UGT1A10: variants seen among roughly 807,000 people sequenced by gnomAD.
UGT1A10 encodes the protein UDP glucuronosyltransferase family 1 member A10, also known as UDP-glucuronosyltransferase 1A10.
In UGT1A10, 49 loss-of-function variants were observed where a neutral mutation model predicts 45.8. That is an observed-to-expected ratio of 1.07 (90% CI 0.85 to 1.36). The LOEUF is 1.36. UGT1A10 is among the 40% of genes most tolerant of loss of function. The probability of loss-of-function intolerance (pLI) is 0.00; values close to 1 mark genes in which losing one functional copy is unlikely to be tolerated. For synonymous variants in UGT1A10, 284 were observed against 249.7 expected (o/e 1.14, Z -1.29); for missense variants, 745 against 668.6 (o/e 1.11, Z -1.26).
At chr2:233,712,884 C>T (rs1239216440) in intron 1 of UGT1A10, 1 of 1,600,688 alleles carries the variant, frequency 6.2e-7, no homozygotes, top group Non-Finnish European at 8.5e-7. Context: ...TCTTCAATTA[C>T]ATGTTGATTT....
At chr2:233,650,726 G>A (rs1041291371) in intron 1 of UGT1A10, among the ~76,000 whole-genome samples, 1 of 151,866 alleles carries the variant, frequency 6.6e-6, no homozygotes, top group African/African-American at 2.4e-5. Context: ...TTTTGATGGG[G>A]GCTTTTTTCC....
intron 1 of UGT1A10, chr2:233,690,008 A>G (rs1260026576): frequency 1.8e-5 from 8 of 443,354 alleles, no homozygotes; most frequent in Non-Finnish European, 3.6e-5. Context: ...TCATCTCACC[A>G]TTTTGGACCT....
At chr2:233,772,210 A>AT in intron 4 of UGT1A10, 52 bp from the exon 5 acceptor site, 1 of 1,610,530 alleles carries the variant, frequency 6.2e-7, no homozygotes, top group Non-Finnish European at 8.5e-7. Context: ...TAAAGAGAGG[A>AT]TTGTTCATAC....
rs4148323 is a variant in UGT1A10, at chr2:233,760,498, G to A, written c.856-6536G>A. The A allele has an allele frequency of 9.2e-3, 14,886 of 1,614,236 alleles. 811 individuals carry two copies. The East Asian group carries it at 0.16, about 18-fold the overall frequency. On this transcript the variant is annotated intron_variant, in intron 1 of 4. Coordinates refer to ENST00000344644, the MANE Select transcript of UGT1A10 (RefSeq NM_019075.4). Reference sequence around the variant, plus strand: ...TGACGCCTCGTTGTACATCAGAGACGGAGCATTTTACACCTTGAAGACGTA... The same window carrying A: ...TGACGCCTCGTTGTACATCAGAGACAGAGCATTTTACACCTTGAAGACGTA...
intron 1 of UGT1A10, among the ~76,000 whole-genome samples, chr2:233,759,210 T>C (rs1169742751): frequency 6.6e-6 from 1 of 152,134 alleles, no homozygotes; most frequent in African/African-American, 2.4e-5. Context: ...CCCAATCAGG[T>C]CCATTTATGC....
intron 1 of UGT1A10, chr2:233,754,506 C>A: frequency 2.8e-6 from 1 of 356,440 alleles, no homozygotes; most frequent in South Asian, 2.1e-5. Flanking sequence ...GTCCGCTATT[C>A]CTCCAGATGT....
intron 1 of UGT1A10, among the ~76,000 whole-genome samples, chr2:233,766,008 T>C (rs901073626): frequency 2.6e-5 from 4 of 152,174 alleles, no homozygotes; most frequent in Non-Finnish European, 5.9e-5. Context: ...GCGTGGGTTA[T>C]GGCCTTCTTT....
chr2:233,717,696 G>A (rs1442424545), intron 1 of UGT1A10: 1 of 445,086 alleles, frequency 2.2e-6, no homozygotes, highest in Non-Finnish European at 4.6e-6. Context: ...GTGACTTTCT[G>A]GAGCAGGACG....
At chr2:233,671,332 G>T (rs560217503) in intron 1 of UGT1A10, among the ~76,000 whole-genome samples, 1 of 152,318 alleles carries the variant, frequency 6.6e-6, no homozygotes, top group Non-Finnish European at 1.5e-5. Flanking sequence ...ATGGTCCATG[G>T]AAGCAGGGTT....
intron 1 of UGT1A10, among the ~76,000 whole-genome samples, chr2:233,641,878 G>A (rs1029375026): frequency 1.3e-5 from 2 of 152,126 alleles, no homozygotes; most frequent in Non-Finnish European, 2.9e-5. Flanking sequence ...GCTGCCAGAT[G>A]TATTGGAACT....
At chr2:233,667,266 A>G (rs988573619) in intron 1 of UGT1A10, among the ~76,000 whole-genome samples, 1 of 152,234 alleles carries the variant, frequency 6.6e-6, no homozygotes, top group Non-Finnish European at 1.5e-5. Flanking sequence ...AGTCCCACAA[A>G]AACAAGAAAT....
intron 1 of UGT1A10, among the ~76,000 whole-genome samples, chr2:233,644,389 G>A (rs1045908248): frequency 9.9e-5 from 15 of 152,060 alleles, no homozygotes; most frequent in South Asian, 4.1e-4. Flanking sequence ...CCAACATGGC[G>A]AAACCCAATC....
chr2:233,755,755 T>A (rs1696010342), intron 1 of UGT1A10: 1 of 152,982 alleles, frequency 6.5e-6, no homozygotes, highest in East Asian at 1.9e-4. Context: ...GGTGCCCATT[T>A]GCTTTTGTTC....
At chr2:233,672,333 A>C (rs768755879) in intron 1 of UGT1A10, 14 of 1,614,160 alleles carry the variant, frequency 8.7e-6, no homozygotes, top group Non-Finnish European at 1.1e-5. Context: ...ACAAAAAATT[A>C]GTAGAATACT....
chr2:233,670,762 T>C (rs1013746773), intron 1 of UGT1A10, among the ~76,000 whole-genome samples: 5 of 152,196 alleles, frequency 3.3e-5, no homozygotes, highest in Admixed American at 2.6e-4. Context: ...ACACCTTCAG[T>C]GTTGAACTCA....
At chr2:233,692,965 A>G in intron 1 of UGT1A10, 1 of 1,610,184 alleles carries the variant, frequency 6.2e-7, no homozygotes, top group African/African-American at 1.3e-5. Flanking sequence ...TTGGAGAGTG[A>G]AAACTCTTTA....
intron 1 of UGT1A10, among the ~76,000 whole-genome samples, chr2:233,745,931 A>T (rs1693251740): frequency 1.3e-5 from 2 of 151,426 alleles, no homozygotes; most frequent in African/African-American, 4.9e-5. Flanking sequence ...TTCAGAAGGG[A>T]CAGCTGGGGG....
chr2:233,671,836 G>A lies in UGT1A10; in HGVS notation c.855+34459G>A, dbSNP rs187589331. 4.2e-5 allele frequency: 61 copies of A among 1,461,208 alleles called. 1 individual carries two copies. The Admixed American group carries it at 4.4e-4, about 10-fold the overall frequency. The allele number at this position is 1,461,208 out of a possible 1,614,324, so 90.5% of individuals were successfully genotyped here. A position where few individuals can be genotyped will look rare whatever the true frequency, so the allele number is the denominator to read the frequency against. ...TTTTTTTATGAAAGGATAAAAACAC[G>A]CCCTCTATTGGGGTCAGGTTTTGTG... On this transcript the variant is annotated intron_variant, in intron 1 of 4. Coordinates refer to ENST00000344644, the MANE Select transcript of UGT1A10 (RefSeq NM_019075.4).
At chr2:233,755,363 G>T (rs907026349) in intron 1 of UGT1A10, 4 of 363,278 alleles carry the variant, frequency 1.1e-5, no homozygotes. Flanking sequence ...GACCTGGGCC[G>T]CCTGGAGGGC....
Sources: gnomAD v4.1 joint callset for allele counts (sites outside exome capture counted in the v4.1 genomes callset) on GRCh38, gnomAD v4.1.1 for gene constraint, MANE v1.5 for transcripts, NCBI Gene and HGNC (gene_info 2026-07-23, HGNC 2026-07-21) for gene names.